ELMO1: variants seen among roughly 807,000 people sequenced by gnomAD.
ELMO1 encodes the protein engulfment and cell motility 1.
In ELMO1, 26 loss-of-function variants were observed where a neutral mutation model predicts 98.9. That is an observed-to-expected ratio of 0.26 (90% CI 0.19 to 0.36). The LOEUF (loss-of-function observed/expected upper bound fraction) is 0.36. Among genes scored for constraint, ELMO1 ranks in the 10% least tolerant of loss-of-function variants. ELMO1 has a pLI of 1.00. For missense variants in ELMO1, 627 were observed against 935.2 expected (o/e 0.67, Z 4.30); for synonymous variants, 346 against 346.0 (o/e 1.00, Z 0.00).
intron 16 of ELMO1, among the ~76,000 whole-genome samples, chr7:36,959,030 G>C (rs1788708204): frequency 6.6e-6 from 1 of 152,080 alleles, no homozygotes; most frequent in Non-Finnish European, 1.5e-5. Flanking sequence ...TTGCTTGCCT[G>C]AATCTACGTT....
chr7:37,153,418 G>A (rs898826987), intron 13 of ELMO1, among the ~76,000 whole-genome samples: 11 of 152,254 alleles, frequency 7.2e-5, no homozygotes, highest in African/African-American at 1.7e-4. Context: ...CTGGAGGAAC[G>A]GTACACTCCT....
chr7:37,204,465 G>A (rs1395527178), intron 13 of ELMO1, among the ~76,000 whole-genome samples: 1 of 152,206 alleles, frequency 6.6e-6, no homozygotes, highest in Non-Finnish European at 1.5e-5. Flanking sequence ...TGAAGCTGCA[G>A]ACCTTCGCGG....
At chr7:37,376,131 G>C (rs1227006232) in intron 1 of ELMO1, 7 of 310,452 alleles carry the variant, frequency 2.3e-5, no homozygotes, top group Non-Finnish European at 4.4e-5. Context: ...GCTCTTGAAG[G>C]AAGTGATGAA....
At chr7:37,079,494 A>G (rs751354738) in intron 15 of ELMO1, among the ~76,000 whole-genome samples, 1 of 152,152 alleles carries the variant, frequency 6.6e-6, no homozygotes, top group Non-Finnish European at 1.5e-5. Flanking sequence ...CCTCACAGCC[A>G]TCAGTGGCCC....
chr7:37,318,604 A>G (rs1391076602), intron 2 of ELMO1, among the ~76,000 whole-genome samples: 1 of 152,220 alleles, frequency 6.6e-6, no homozygotes. Flanking sequence ...GATATATGAA[A>G]GGAATAAAGA....
At chr7:36,935,091 A>T (rs1786399260) in intron 16 of ELMO1, among the ~76,000 whole-genome samples, 1 of 152,186 alleles carries the variant, frequency 6.6e-6, no homozygotes, top group Admixed American at 6.5e-5. Context: ...AGCTCCCATA[A>T]TTCCCTCGTG....
chr7:36,994,494 G>C (rs953821872), intron 16 of ELMO1, among the ~76,000 whole-genome samples: 2 of 152,208 alleles, frequency 1.3e-5, no homozygotes, highest in Admixed American at 6.5e-5. Context: ...CTTAAACTTA[G>C]AGAGGTTATA....
At chr7:37,322,237 G>A (rs905904424) in intron 2 of ELMO1, among the ~76,000 whole-genome samples, 2 of 152,046 alleles carry the variant, frequency 1.3e-5, no homozygotes, top group South Asian at 4.1e-4. Context: ...CAGCACTTTG[G>A]GAGGCCAAGG....
intron 1 of ELMO1, among the ~76,000 whole-genome samples, chr7:37,389,956 CAT>C (rs1359762708): frequency 6.6e-6 from 1 of 152,132 alleles, no homozygotes; most frequent in African/African-American, 2.4e-5. Context: ...TCCAAAATCT[CAT>C]AGCCTTCCCT....
At chr7:37,446,337 G>A (rs143728473) in intron 1 of ELMO1, among the ~76,000 whole-genome samples, 2 of 152,294 alleles carry the variant, frequency 1.3e-5, no homozygotes, top group Non-Finnish European at 2.9e-5. Context: ...ATACACCAAT[G>A]ACTGTATAAT....
intron 2 of ELMO1, among the ~76,000 whole-genome samples, chr7:37,338,132 A>G (rs1387542485): frequency 6.6e-6 from 1 of 152,236 alleles, no homozygotes; most frequent in African/African-American, 2.4e-5. Flanking sequence ...TTATTGAGGA[A>G]TCACTCTAAG....
intron 15 of ELMO1, among the ~76,000 whole-genome samples, chr7:37,049,355 T>A (rs562772233): frequency 6.6e-6 from 1 of 152,196 alleles, no homozygotes; most frequent in Admixed American, 6.5e-5. Context: ...GGAAAAGCTA[T>A]TCTGCTACAG....
intron 15 of ELMO1, among the ~76,000 whole-genome samples, chr7:37,048,350 T>A (rs1795915888): frequency 6.6e-6 from 1 of 151,828 alleles, no homozygotes; most frequent in Non-Finnish European, 1.5e-5. Flanking sequence ...TACGCACTTA[T>A]AAAATAAATT....
chr7:36,884,303 C>T (rs1460486731), intron 18 of ELMO1, among the ~76,000 whole-genome samples: 1 of 136,428 alleles, frequency 7.3e-6, no homozygotes, highest in East Asian at 2.2e-4. Context: ...GGTGACAGAG[C>T]GAGACTGTCT....
chr7:37,076,997 G>A lies in ELMO1; in HGVS notation c.1300+19622C>T, dbSNP rs570853695. Reference sequence around the variant, plus strand: ...TATTTACTGTCCCAATTATGCCCCCGACAACAAAGAATTTAACTTTCTAAC... The same window carrying A: ...TATTTACTGTCCCAATTATGCCCCCAACAACAAAGAATTTAACTTTCTAAC... On this transcript the variant is annotated intron_variant, in intron 15 of 21. Coordinates refer to ENST00000310758, the MANE Select transcript of ELMO1 (RefSeq NM_014800.11). Among the ~76,000 whole-genome samples, 3 of 152,262 alleles carry A rather than the reference G, an allele frequency of 2.0e-5. No homozygotes were observed. The East Asian group carries it at 5.8e-4, about 29-fold the overall frequency.
chr7:37,394,942 T>C (rs1803228896), intron 1 of ELMO1, among the ~76,000 whole-genome samples: 1 of 152,194 alleles, frequency 6.6e-6, no homozygotes. Flanking sequence ...CATGGATGAA[T>C]ATCATGGAAG....
chr7:37,431,883 TG>T (rs1368258578), intron 1 of ELMO1, among the ~76,000 whole-genome samples: 32 of 152,238 alleles, frequency 2.1e-4, no homozygotes, highest in Admixed American at 9.8e-4. Context: ...TTTGTTTGTT[TG>T]TTTGTTTGTT....
At chr7:37,284,126 G>A (rs1174207313) in intron 4 of ELMO1, among the ~76,000 whole-genome samples, 1 of 152,118 alleles carries the variant, frequency 6.6e-6, no homozygotes, top group Non-Finnish European at 1.5e-5. Context: ...TGGTATCTGG[G>A]AGAAGCAGAG....
At chr7:37,394,154 C>T (rs576760985) in intron 1 of ELMO1, among the ~76,000 whole-genome samples, 15 of 152,154 alleles carry the variant, frequency 9.9e-5, no homozygotes, top group Non-Finnish European at 1.6e-4. Context: ...TTGGACAATA[C>T]CCTGCCCCAA....
Sources: gnomAD v4.1 joint callset for allele counts (sites outside exome capture counted in the v4.1 genomes callset) on GRCh38, gnomAD v4.1.1 for gene constraint, MANE v1.5 for transcripts, NCBI Gene and HGNC (gene_info 2026-07-23, HGNC 2026-07-21) for gene names.